The following CACUL1 variants were observed in gnomAD, a reference collection of about 807,000 sequenced individuals.
CACUL1 encodes CDK2 associated cullin domain 1.
Under a neutral mutation model 45.2 loss-of-function variants are expected in CACUL1, and 13 were observed. That is an observed-to-expected ratio of 0.29 (90% confidence interval 0.19 to 0.46). The LOEUF (loss-of-function observed/expected upper bound fraction) is 0.46, where lower values mean the gene tolerates loss of function less well. CACUL1 is among the 20% of genes least tolerant of loss of function. The pLI, the probability that CACUL1 is intolerant of heterozygous loss-of-function variation, is 1.00. For missense variants in CACUL1, 421 were observed against 471.4 expected, an observed-to-expected ratio of 0.89 and a Z score of 0.99; for synonymous variants, 197 against 174.2, an observed-to-expected ratio of 1.13 and a Z score of -1.03.
At chr10:118,727,501 T>A (rs1030759925) in intron 3 of CACUL1, among the ~76,000 whole-genome samples, 1 of 151,924 alleles carries the variant, frequency 6.6e-6, no homozygotes, top group Non-Finnish European at 1.5e-5. Context: ...AAACTAAAAA[T>A]TATTTGGTTT....
intron 1 of CACUL1, among the ~76,000 whole-genome samples, chr10:118,738,992 T>A (rs1476582485): frequency 6.9e-6 from 1 of 145,718 alleles, no homozygotes; most frequent in East Asian, 2.0e-4. Context: ...GGTCAGGAGA[T>A]AGAGTCTCCT....
chr10:118,754,597 G>GC lies in CACUL1; in HGVS notation c.165dup (p.Gln56AlafsTer30), dbSNP rs747095390. Reference sequence around the variant, plus strand: ...GAGACCGCGGGCACCGCCAGCAGCTGCCCCCCCGGAGGCTCTCGGGCAGGG... The same window carrying GC: ...GAGACCGCGGGCACCGCCAGCAGCTGCCCCCCCCGGAGGCTCTCGGGCAGGG... On this transcript the variant is annotated frameshift_variant, in exon 1 of 9. Transcript: ENST00000369151. LOFTEE classifies it high-confidence loss of function. The GC allele has an allele frequency of 1.9e-5, 31 of 1,608,484 alleles. No homozygotes were observed. Among genetic ancestry groups the GC allele is most frequent in the South Asian group, 1.1e-5 (1 of 90,702 alleles).
At chr10:118,730,781 A>G (rs1169636314) in intron 1 of CACUL1, among the ~76,000 whole-genome samples, 2 of 152,204 alleles carry the variant, frequency 1.3e-5, no homozygotes, top group Non-Finnish European at 2.9e-5. Context: ...TGGCCTATCA[A>G]TGAACCACAG....
chr10:118,709,155 A>G (rs1845460626), intron 3 of CACUL1, among the ~76,000 whole-genome samples: 1 of 152,238 alleles, frequency 6.6e-6, no homozygotes, highest in Admixed American at 6.5e-5. Flanking sequence ...AAGAAAAAAT[A>G]TATCTATTCA....
At position 118,729,277 on chromosome 10, in the gene CACUL1, A is replaced by G. The variant is rs748204060; in HGVS notation, c.597+18T>C. On this transcript the variant is annotated intron_variant, in intron 3 of 8. Transcript: ENST00000369151. Reference sequence around the variant, plus strand: ...GGAAAACCCAAGGAAGCAAAAATCAATACAATCAGTTCTTTACCTGCAGCT... The same window carrying G: ...GGAAAACCCAAGGAAGCAAAAATCAGTACAATCAGTTCTTTACCTGCAGCT... The G allele has an allele frequency of 6.9e-6, 11 of 1,586,378 alleles. No homozygotes were observed. The highest frequency in any genetic ancestry group is 6.7e-5 in the South Asian group (6 of 90,126).
At position 118,754,841 on chromosome 10, in the gene CACUL1, T is replaced by TCCCCGAGTTACATCGCCGGCGG; in HGVS notation, c.-101_-80dup. ...CCCCGGGCCAGCGGGCACCGCTGCC[T>TCCCCGAGTTACATCGCCGGCGG]CCCCGAGTTACATCGCCGGCGGCAG... On this transcript the variant is annotated 5_prime_UTR_variant, in exon 1 of 9. The change creates a new upstream start codon in the 5' untranslated region. Transcript: ENST00000369151. 1 of 1,479,624 alleles carries TCCCCGAGTTACATCGCCGGCGG rather than the reference T, an allele frequency of 6.8e-7. No homozygotes were observed. The highest frequency in any genetic ancestry group is 9.0e-7 in the Non-Finnish European group (1 of 1,113,672). The allele number at this position is 1,479,624 out of a possible 1,614,324, so 91.7% of individuals were successfully genotyped here.
At chr10:118,740,743 G>A (rs1031665270) in intron 1 of CACUL1, among the ~76,000 whole-genome samples, 4 of 152,030 alleles carry the variant, frequency 2.6e-5, no homozygotes, top group East Asian at 1.9e-4. Context: ...TGGCTAACAC[G>A]GTGAAACCCC....
chr10:118,730,226 A>C, intron 2 of CACUL1, 58 bp downstream of exon 2: 1 of 1,564,978 alleles, frequency 6.4e-7, no homozygotes, highest in Middle Eastern at 1.7e-4. Context: ...GGCATAATTC[A>C]AGTGCCTTGA....
At chr10:118,686,268 A>C in intron 8 of CACUL1, 100 bp from the exon 9 acceptor site, 2 of 1,028,424 alleles carry the variant, frequency 1.9e-6, no homozygotes, top group Non-Finnish European at 3.0e-6. Context: ...TCCTCTCCCA[A>C]CTCCCCAAAA....
intron 1 of CACUL1, among the ~76,000 whole-genome samples, chr10:118,747,033 T>C (rs547562059): frequency 1.3e-5 from 2 of 152,178 alleles, no homozygotes; most frequent in South Asian, 4.2e-4. Context: ...AGGAATTAGA[T>C]TCTCAAAGGA....
intron 1 of CACUL1, among the ~76,000 whole-genome samples, chr10:118,738,063 A>C (rs1845755708): frequency 6.6e-6 from 1 of 152,258 alleles, no homozygotes; most frequent in Non-Finnish European, 1.5e-5. Flanking sequence ...TCTCCTTGGC[A>C]TTAAGCCCAG....
At chr10:118,750,804 A>C (rs200332433) in intron 1 of CACUL1, among the ~76,000 whole-genome samples, 1 of 151,966 alleles carries the variant, frequency 6.6e-6, no homozygotes, top group South Asian at 2.1e-4. Context: ...TGTCAACCTA[A>C]AGGTGGAAAA....
intron 3 of CACUL1, among the ~76,000 whole-genome samples, chr10:118,708,107 C>G (rs1845450350): frequency 7.0e-6 from 1 of 143,524 alleles, no homozygotes; most frequent in South Asian, 2.2e-4. Flanking sequence ...GAGATCATAC[C>G]ACTGCACTCC....
chr10:118,724,006 C>A (rs1845627127), intron 3 of CACUL1, among the ~76,000 whole-genome samples: 1 of 152,134 alleles, frequency 6.6e-6, no homozygotes, highest in Admixed American at 6.6e-5. Context: ...ACCTTGTGAT[C>A]TGCCCTCCTT....
Position 118,682,260 on chromosome 10 carries a change from T to C in CACUL1, c.*3868A>G, listed in dbSNP as rs1190988073. 1 of 152,244 alleles carries C rather than the reference T, an allele frequency of 6.6e-6. No individual in the cohort carries two copies. Among genetic ancestry groups the C allele is most frequent in the Non-Finnish European group, 1.5e-5 (1 of 68,046 alleles). 9.4% of individuals were successfully genotyped at this position (152,244 alleles called of 1,614,324 possible). On this transcript the variant is annotated 3_prime_UTR_variant, in exon 9 of 9. Coordinates refer to ENST00000369151, the MANE Select transcript of CACUL1 (RefSeq NM_153810.5). Reference sequence around the variant, plus strand: ...TTTTGCTTTTTAGTTGCAAAGCTTTTCAGTATCTCAGATTAGTGTATGTTC... The same window carrying C: ...TTTTGCTTTTTAGTTGCAAAGCTTTCCAGTATCTCAGATTAGTGTATGTTC...
chr10:118,729,362 TC>T lies in CACUL1; in HGVS notation c.529del (p.Glu177AsnfsTer7), dbSNP rs1564836485. ...VYKCVCQQHS[E>X]QMYSDLIKKI... ...TTTAATCAGATCACTATACATCTGT[TC>T]CGAGTGCTGCTGGCATACACATTTA... On this transcript the variant is annotated frameshift_variant, in exon 3 of 9. Coordinates refer to ENST00000369151, the MANE Select transcript of CACUL1 (RefSeq NM_153810.5). LOFTEE classifies it high-confidence loss of function. The T allele has an allele frequency of 6.2e-7, 1 of 1,612,598 alleles. No homozygotes were observed.
At chr10:118,705,422 T>C (rs1395757700) in intron 4 of CACUL1, among the ~76,000 whole-genome samples, 4 of 152,342 alleles carry the variant, frequency 2.6e-5, no homozygotes, top group East Asian at 1.9e-4. Context: ...TATTGTCCTA[T>C]TGACATTTAA....
At chr10:118,704,578 T>C (rs1011857487) in intron 4 of CACUL1, among the ~76,000 whole-genome samples, 14 of 152,248 alleles carry the variant, frequency 9.2e-5, no homozygotes, top group African/African-American at 3.1e-4. Flanking sequence ...TTCCCTCTGA[T>C]TGACCCCCAC....
chr10:118,743,406 T>A (rs998557077), intron 1 of CACUL1, among the ~76,000 whole-genome samples: 2 of 152,070 alleles, frequency 1.3e-5, no homozygotes, highest in Non-Finnish European at 2.9e-5. Flanking sequence ...GTAAAAATTT[T>A]AAAAGTACCC....
Sources: allele counts gnomAD v4.1 joint callset (sites outside exome capture counted in the v4.1 genomes callset), GRCh38; gene constraint gnomAD v4.1.1; transcripts MANE v1.5; gene names NCBI Gene and HGNC (gene_info 2026-07-23, HGNC 2026-07-21).